SLC2A14: variants seen among roughly 807,000 people sequenced by gnomAD.
SLC2A14 encodes the protein solute carrier family 2 member 14.
SLC2A14 carries 13 observed loss-of-function variants against 43.0 expected under a neutral mutation model. The observed-to-expected ratio is 0.30, with a 90% CI of 0.20 to 0.48. SLC2A14 has a LOEUF of 0.48. Among genes scored for constraint, SLC2A14 ranks in the 20% least tolerant of loss-of-function variants. SLC2A14 has a pLI of 0.99. For synonymous variants in SLC2A14, 190 were observed against 233.8 expected (o/e 0.81, Z 1.71); for missense variants, 428 against 620.4 (o/e 0.69, Z 3.29).
At chr12:7,831,984 T>C (rs1395932641) in intron 3 of SLC2A14, among the ~76,000 whole-genome samples, 1 of 152,228 alleles carries the variant, frequency 6.6e-6, no homozygotes, top group African/African-American at 2.4e-5. Flanking sequence ...GGCGCATGCC[T>C]GTAATCCCAG....
chr12:7,873,375 C>T (rs1171260154), upstream of SLC2A14: 2 of 984,772 alleles, frequency 2.0e-6, no homozygotes, highest in African/African-American at 1.7e-5. Flanking sequence ...CGCACGGTGG[C>T]TCACACCTGT....
rs1316922445 is a variant in SLC2A14, at chr12:7,857,193, T to C, written c.18+12670A>G. Reference sequence around the variant, plus strand: ...CAAACCCAGGAGGTGGAGGTTGCAGTGAGCCGAAATCTTGCTACTATACTC... The same window carrying C: ...CAAACCCAGGAGGTGGAGGTTGCAGCGAGCCGAAATCTTGCTACTATACTC... On this transcript the variant is annotated intron_variant, in intron 2 of 10. Transcript: ENST00000431042. 3.9e-5 allele frequency among the ~76,000 whole-genome samples: 6 copies of C among 152,054 alleles called. No homozygotes were observed. In the East Asian group the frequency reaches 1.2e-3, roughly 29 times the overall value.
intron 1 of SLC2A14, among the ~76,000 whole-genome samples, chr12:7,884,711 T>C (rs899446533): frequency 6.6e-6 from 1 of 152,112 alleles, no homozygotes; most frequent in Non-Finnish European, 1.5e-5. Context: ...TACTGAGAAA[T>C]TGAGAAGGCG....
At chr12:7,822,897 A>G (rs985683457) in intron 7 of SLC2A14, among the ~76,000 whole-genome samples, 7 of 152,318 alleles carry the variant, frequency 4.6e-5, no homozygotes, top group Admixed American at 1.3e-4. Context: ...TGATAGGCAC[A>G]TTGATGTCTC....
At chr12:7,852,402 T>C (rs1867012946) in intron 2 of SLC2A14, among the ~76,000 whole-genome samples, 1 of 152,142 alleles carries the variant, frequency 6.6e-6, no homozygotes, top group Non-Finnish European at 1.5e-5. Flanking sequence ...TTTTTCCCCA[T>C]CTAGAAAGAT....
At chr12:7,830,335 T>C (rs1864914829) in intron 4 of SLC2A14, among the ~76,000 whole-genome samples, 1 of 152,108 alleles carries the variant, frequency 6.6e-6, no homozygotes, top group Non-Finnish European at 1.5e-5. Context: ...TGTATTTTAG[T>C]AGAGATGGGG....
intron 7 of SLC2A14, 144 bp downstream of exon 7, chr12:7,827,351 C>T: frequency 1.7e-6 from 2 of 1,175,192 alleles, no homozygotes; most frequent in South Asian, 1.6e-5. Context: ...TCTCAGCTCA[C>T]TGCAACCTTC....
intron 2 of SLC2A14, among the ~76,000 whole-genome samples, chr12:7,867,226 C>T (rs1194984668): frequency 6.7e-5 from 9 of 133,494 alleles, no homozygotes; most frequent in Admixed American, 9.4e-5. Context: ...TTGCAGTGAG[C>T]GGAGATCTCG....
chr12:7,873,202 C>G (rs1592321559), upstream of SLC2A14: 10 of 985,540 alleles, frequency 1.0e-5, no homozygotes, highest in Non-Finnish European at 1.2e-5. Flanking sequence ...GACCCACCAC[C>G]CTTGGCGCCG....
chr12:7,863,420 A>C (rs1944715939), intron 2 of SLC2A14: 1 of 453,382 alleles, frequency 2.2e-6, no homozygotes, highest in African/African-American at 2.0e-5. Flanking sequence ...AGAACCCACC[A>C]ATTCCAGACA....
At position 7,848,561 on chromosome 12, in the gene SLC2A14, T is replaced by C. The variant is rs943425736; in HGVS notation, c.19-15747A>G. 1.5e-3 allele frequency among the ~76,000 whole-genome samples: 224 copies of C among 152,038 alleles called. 1 individual carries two copies. The highest frequency in any genetic ancestry group is 3.4e-3 in the Middle Eastern group (1 of 294). On this transcript the variant is annotated intron_variant, in intron 2 of 10. Transcript: ENST00000431042. Reference sequence around the variant, plus strand: ...ATTCTGCTTTTTCCAATTCCATTTTTTTTTTTTTTTGAGACAGAGTTTTTG... The same window carrying C: ...ATTCTGCTTTTTCCAATTCCATTTTCTTTTTTTTTTGAGACAGAGTTTTTG...
chr12:7,873,186 T>G, upstream of SLC2A14: 1 of 985,406 alleles, frequency 1.0e-6, no homozygotes, highest in Non-Finnish European at 1.2e-6. Flanking sequence ...GGGGAAACAG[T>G]TTTGGGACCC....
intron 2 of SLC2A14, among the ~76,000 whole-genome samples, chr12:7,840,325 G>A (rs12310978): frequency 6.6e-6 from 1 of 151,962 alleles, no homozygotes; most frequent in Non-Finnish European, 1.5e-5. Flanking sequence ...CCAGCATTCA[G>A]AACTGTGAGA....
At chr12:7,875,981 A>G (rs1031193581), upstream of SLC2A14, among the ~76,000 whole-genome samples, 4 of 151,428 alleles carry the variant, frequency 2.6e-5, no homozygotes, top group Admixed American at 2.6e-4. Flanking sequence ...GTCCCAGAAA[A>G]AAAAAAGAGA....
intron 1 of SLC2A14, among the ~76,000 whole-genome samples, chr12:7,878,505 C>A (rs746954014): frequency 5.3e-5 from 8 of 151,740 alleles, no homozygotes; most frequent in Admixed American, 2.6e-4. Flanking sequence ...GAGATCTACC[C>A]ACCTAGGCCT....
intron 2 of SLC2A14, among the ~76,000 whole-genome samples, chr12:7,843,987 T>C (rs1472547342): frequency 6.6e-6 from 1 of 151,618 alleles, no homozygotes; most frequent in Non-Finnish European, 1.5e-5. Flanking sequence ...TTTTCTACTT[T>C]ACTGAAGGGC....
At chr12:7,852,973 ACT>A (rs1227135175) in intron 2 of SLC2A14, among the ~76,000 whole-genome samples, 1 of 152,006 alleles carries the variant, frequency 6.6e-6, no homozygotes, top group Admixed American at 6.6e-5. Context: ...GGAAGCACAT[ACT>A]CTCTCTCTCC....
At chr12:7,862,666 T>C (rs1944645625) in intron 2 of SLC2A14, among the ~76,000 whole-genome samples, 1 of 152,108 alleles carries the variant, frequency 6.6e-6, no homozygotes, top group African/African-American at 2.4e-5. Flanking sequence ...GGTGGGCACT[T>C]GGAGAACCTT....
chr12:7,867,538 T>C (rs900435956), intron 2 of SLC2A14, among the ~76,000 whole-genome samples: 9 of 151,948 alleles, frequency 5.9e-5, no homozygotes, highest in African/African-American at 2.2e-4. Context: ...AGGTGCTGCT[T>C]ATGCATAAGC....
Sources: allele counts gnomAD v4.1 joint callset (sites outside exome capture counted in the v4.1 genomes callset), GRCh38; gene constraint gnomAD v4.1.1; transcripts MANE v1.5; gene names NCBI Gene and HGNC (gene_info 2026-07-23, HGNC 2026-07-21).